Variants in SLCO6A1 observed in about 807,000 individuals in gnomAD.
SLCO6A1 encodes solute carrier organic anion transporter family member 6A1.
SLCO6A1 carries 65 observed loss-of-function variants against 72.7 expected under a neutral mutation model. That is an observed-to-expected ratio of 0.89 (90% CI 0.73 to 1.10). SLCO6A1 has a LOEUF of 1.10. Ranked by LOEUF, SLCO6A1 falls within the 50% of genes least tolerant of loss-of-function variation. SLCO6A1 has a pLI of 0.00. For missense variants in SLCO6A1, 874 were observed against 872.6 expected (o/e 1.00, Z -0.02); for synonymous variants, 314 against 298.2 (o/e 1.05, Z -0.55).
intron 10 of SLCO6A1, among the ~76,000 whole-genome samples, chr5:102,397,502 T>G (rs1171858433): frequency 6.6e-6 from 1 of 152,196 alleles, no homozygotes; most frequent in African/African-American, 2.4e-5. Flanking sequence ...AGAGGTTATA[T>G]GCATTCATTT....
rs1425267467 is a variant in SLCO6A1 at position 102,395,155 on chromosome 5, G to C, written c.1815-4110C>G. Among the ~76,000 whole-genome samples the C allele has an allele frequency of 2.0e-5, 3 of 151,868 alleles. No individual in the cohort carries two copies. The South Asian group carries it at 6.2e-4, about 32-fold the overall frequency. On this transcript the variant is annotated intron_variant, in intron 10 of 13. Transcript: ENST00000506729. ...GATGCACCCATTAACTCGTCATTTA[G>C]CATTAGGTATATCTCCTAATGCTAT...
intron 1 of SLCO6A1, among the ~76,000 whole-genome samples, chr5:102,492,249 C>G (rs1348314915): frequency 6.6e-6 from 1 of 152,044 alleles, no homozygotes. Context: ...GGACAATATG[C>G]AACAACAGAT....
chr5:102,498,665 C>T lies in SLCO6A1; in HGVS notation c.180G>A (p.Arg60=), dbSNP rs764228556. 1.2e-6 allele frequency: 2 copies of T among 1,614,218 alleles called. No homozygotes were observed. Among genetic ancestry groups the T allele is most frequent in the Non-Finnish European group, 1.7e-6 (2 of 1,180,028 alleles). ...YLRLLPEALI[R]FGGFRKRKKA... is the part of the protein sequence containing the mutation. ...TTTTCCTTTTTCGGAAACCGCCGAA[C>T]CTTATCAAGGCCTCTGGAAGTAGTC... The change falls in exon 1 of 14, where the codon AGG becomes AGA. Residue 60 remains arginine (R), a synonymous_variant. Transcript: ENST00000506729.
chr5:102,382,362 C>A (rs1746155997), intron 12 of SLCO6A1, among the ~76,000 whole-genome samples: 1 of 151,666 alleles, frequency 6.6e-6, no homozygotes, highest in African/African-American at 2.4e-5. Flanking sequence ...ATGCCAGGAC[C>A]ATGCTGTTTT....
intron 1 of SLCO6A1, among the ~76,000 whole-genome samples, chr5:102,495,124 A>G (rs1272082933): frequency 6.6e-6 from 1 of 152,240 alleles, no homozygotes; most frequent in Admixed American, 6.5e-5. Context: ...AAGCTATTAA[A>G]AGAAGCCAGA....
chr5:102,382,563 G>A (rs920329581), intron 12 of SLCO6A1, among the ~76,000 whole-genome samples: 3 of 151,260 alleles, frequency 2.0e-5, no homozygotes, highest in Admixed American at 2.0e-4. Context: ...GAATCTGTAG[G>A]TCACTCTGGG....
chr5:102,464,243 A>G (rs948615760), intron 4 of SLCO6A1, among the ~76,000 whole-genome samples: 12 of 152,170 alleles, frequency 7.9e-5, no homozygotes, highest in African/African-American at 2.9e-4. Flanking sequence ...AGTTTACGGA[A>G]AGAAAAATAT....
chr5:102,395,717 T>G (rs953205573), intron 10 of SLCO6A1, among the ~76,000 whole-genome samples: 3 of 152,196 alleles, frequency 2.0e-5, no homozygotes, highest in Non-Finnish European at 4.4e-5. Flanking sequence ...TTCCTGACTT[T>G]TTAATGATCA....
chr5:102,375,834 GGAGA>G (rs1745754223), intron 12 of SLCO6A1, among the ~76,000 whole-genome samples: 1 of 151,958 alleles, frequency 6.6e-6, no homozygotes, highest in South Asian at 2.1e-4. Context: ...AGCCCCAGAA[GGAGA>G]GAGTAGGAAA....
At chr5:102,475,897 A>G (rs776410306) in intron 3 of SLCO6A1, 104 bp from the exon 4 acceptor site, 201 of 769,020 alleles carry the variant, frequency 2.6e-4, no homozygotes, top group Middle Eastern at 5.7e-4. Flanking sequence ...TTTTCATAGC[A>G]TTCTGTATTA....
In SLCO6A1 at chr5:102,434,001, T is replaced by C. The variant is rs191294211; in HGVS notation, c.1276+4616A>G. Reference sequence around the variant, plus strand: ...TATCCTTTCACTTTCAACCTTTTCATGTCCCCATATTTAAGGAGTGCCTCT... The same window carrying C: ...TATCCTTTCACTTTCAACCTTTTCACGTCCCCATATTTAAGGAGTGCCTCT... On this transcript the variant is annotated intron_variant, in intron 7 of 13. Transcript: ENST00000506729. 2.0e-3 allele frequency among the ~76,000 whole-genome samples: 299 copies of C among 152,232 alleles called. 3 individuals are homozygous for C. The highest frequency in any genetic ancestry group is 7.0e-3 in the African/African-American group (289 of 41,556).
intron 12 of SLCO6A1, 29 bp downstream of exon 12, chr5:102,388,659 C>T (rs751849218): frequency 2.1e-6 from 3 of 1,416,270 alleles, no homozygotes; most frequent in South Asian, 1.4e-5. Context: ...AATTTTATTT[C>T]TCTAAGTTTT....
intron 8 of SLCO6A1, among the ~76,000 whole-genome samples, chr5:102,414,115 G>A (rs1488206463): frequency 1.3e-5 from 2 of 151,744 alleles, no homozygotes; most frequent in African/African-American, 4.8e-5. Context: ...TTTTTTTCTG[G>A]ATTATGTGTT....
chr5:102,387,515 C>T (rs930369992), intron 12 of SLCO6A1, among the ~76,000 whole-genome samples: 9 of 152,028 alleles, frequency 5.9e-5, no homozygotes, highest in Middle Eastern at 3.2e-3. Flanking sequence ...GTTGAATTGC[C>T]TCTAACAAGT....
chr5:102,376,882 G>A (rs1169162664), intron 12 of SLCO6A1, among the ~76,000 whole-genome samples: 1 of 152,106 alleles, frequency 6.6e-6, no homozygotes, highest in Non-Finnish European at 1.5e-5. Context: ...ACAAAAATGT[G>A]AGCTGGGCAC....
chr5:102,497,862 CATGCA>C (rs1752976054), intron 1 of SLCO6A1, among the ~76,000 whole-genome samples: 2 of 152,198 alleles, frequency 1.3e-5, no homozygotes, highest in Non-Finnish European at 2.9e-5. Context: ...GGTTAGGGGT[CATGCA>C]GCCTCTGGCG....
intron 6 of SLCO6A1, among the ~76,000 whole-genome samples, chr5:102,441,337 T>C (rs1252742873): frequency 6.6e-6 from 1 of 152,278 alleles, no homozygotes; most frequent in East Asian, 1.9e-4. Flanking sequence ...ACTGAACAAT[T>C]ATCTTTTCAG....
rs182615674 is a variant in SLCO6A1, at chr5:102,443,194, C to T, written c.1132-4433G>A. Among the ~76,000 whole-genome samples the T allele has an allele frequency of 5.3e-5, 8 of 152,044 alleles. No homozygotes were observed. In the East Asian group the frequency reaches 7.8e-4, roughly 15 times the overall value. On this transcript the variant is annotated intron_variant, in intron 6 of 13. Transcript: ENST00000506729. ...GCCTGGAGACAGAGCGAGACTCCAT[C>T]TCAAAAAAAGACGGAAAAAAAGAAG...
intron 1 of SLCO6A1, among the ~76,000 whole-genome samples, 153 bp downstream of exon 1, chr5:102,498,334 A>T (rs1364363480): frequency 2.0e-5 from 3 of 152,214 alleles, no homozygotes; most frequent in African/African-American, 7.2e-5. Flanking sequence ...TTGATCCGAC[A>T]ACGCCTTGAG....
Sources: allele counts gnomAD v4.1 joint callset (sites outside exome capture counted in the v4.1 genomes callset), GRCh38; gene constraint gnomAD v4.1.1; transcripts MANE v1.5; gene names NCBI Gene and HGNC (gene_info 2026-07-23, HGNC 2026-07-21).